The following PPP2R2B variants were observed in gnomAD, a reference collection of about 807,000 sequenced individuals.
PPP2R2B encodes serine/threonine-protein phosphatase 2A 55 kDa regulatory subunit B beta isoform.
Under a neutral mutation model 46.0 loss-of-function variants are expected in PPP2R2B, and 5 were observed. That is an observed-to-expected ratio of 0.11 (90% CI 0.06 to 0.23). PPP2R2B has a LOEUF of 0.23. PPP2R2B is among the 10% of genes least tolerant of loss of function. The pLI is 1.00. For missense variants in PPP2R2B, 367 were observed against 575.0 expected (o/e 0.64, Z 3.70); for synonymous variants, 215 against 206.7 (o/e 1.04, Z -0.34).
At chr5:146,972,809 C>T (rs1752723630) in intron 1 of PPP2R2B, among the ~76,000 whole-genome samples, 1 of 151,986 alleles carries the variant, frequency 6.6e-6, no homozygotes, top group Non-Finnish European at 1.5e-5. Flanking sequence ...GCTTAAGGAC[C>T]ATCTATATTT....
chr5:146,886,252 C>T (rs550251630), intron 1 of PPP2R2B, among the ~76,000 whole-genome samples: 132 of 151,934 alleles, frequency 8.7e-4, no homozygotes, highest in African/African-American at 2.9e-3. Context: ...GGCAGGAGAA[C>T]GGTGTGAACC....
intron 2 of PPP2R2B, among the ~76,000 whole-genome samples, chr5:146,767,226 T>C (rs917768863): frequency 2.0e-5 from 3 of 151,898 alleles, no homozygotes; most frequent in Non-Finnish European, 4.4e-5. Context: ...CCTTCAAAAT[T>C]TGAACCCCGA....
intron 1 of PPP2R2B, among the ~76,000 whole-genome samples, chr5:147,045,358 AT>A (rs369555016): frequency 1.6e-4 from 25 of 152,132 alleles, no homozygotes; most frequent in African/African-American, 6.0e-4. Context: ...AATACTTACC[AT>A]TGTGTTACAA....
At chr5:146,759,183 T>C (rs1221200505) in intron 2 of PPP2R2B, among the ~76,000 whole-genome samples, 2 of 152,226 alleles carry the variant, frequency 1.3e-5, no homozygotes, top group African/African-American at 4.8e-5. Flanking sequence ...TTTTTCTCCC[T>C]TGCTATTGCA....
At chr5:146,774,465 T>TGGGG (rs35505663) in intron 2 of PPP2R2B, among the ~76,000 whole-genome samples, 2 of 151,224 alleles carry the variant, frequency 1.3e-5, no homozygotes, top group Admixed American at 1.3e-4. Flanking sequence ...AAAAATAAAG[T>TGGGG]GGGGGGTTGT....
intron 1 of PPP2R2B, among the ~76,000 whole-genome samples, chr5:147,006,024 A>T (rs1376450014): frequency 6.6e-6 from 1 of 152,174 alleles, no homozygotes; most frequent in Non-Finnish European, 1.5e-5. Context: ...TTCCTAACAA[A>T]AATCCTTAAC....
At position 146,691,157 on chromosome 5, in the gene PPP2R2B, G is replaced by T; in HGVS notation, c.418C>A (p.Arg140=). The T allele has an allele frequency of 1.2e-6, 2 of 1,614,122 alleles. No individual in the cohort carries two copies. The highest frequency in any genetic ancestry group is 2.2e-5 in the South Asian group (2 of 91,080). Residue 140 remains arginine (R), a synonymous_variant, in exon 5 of 10, where the codon CGG becomes AGG. Transcript: ENST00000394411. ...AGGGTTGTGATGGTGGCAGGATCCC[G>T]GAGCCGGCCCTCCTCATCTTTCAGA... ...YNLKDEEGRL[R]DPATITTLRV... is the part of the protein sequence containing the mutation.
chr5:147,022,121 T>C (rs1380304311), intron 1 of PPP2R2B, among the ~76,000 whole-genome samples: 1 of 152,026 alleles, frequency 6.6e-6, no homozygotes, highest in East Asian at 1.9e-4. Context: ...TTATTCAAAC[T>C]AAAACATTAA....
chr5:146,583,554 A>G lies in PPP2R2B; in HGVS notation c.*6393T>C, dbSNP rs1268709484. 1 of 152,096 alleles carries G rather than the reference A, an allele frequency of 6.6e-6. No individual in the cohort carries two copies. Among genetic ancestry groups the G allele is most frequent in the Non-Finnish European group, 1.5e-5 (1 of 68,032 alleles). The allele number at this position is 152,096 out of a possible 1,614,324, so 9.4% of individuals were successfully genotyped here. On this transcript the variant is annotated 3_prime_UTR_variant, in exon 10 of 10. Coordinates refer to ENST00000394411, the MANE Select transcript of PPP2R2B (RefSeq NM_181675.4). ...AGGCTCGGTATCCTGGGCTCTTGAC[A>G]TTCCACTGCCACCATTGCCTGTGAG...
chr5:146,939,506 CTTTTG>C (rs1408806979), intron 1 of PPP2R2B, among the ~76,000 whole-genome samples: 2 of 152,174 alleles, frequency 1.3e-5, no homozygotes, highest in African/African-American at 2.4e-5. Context: ...AAATTCACAA[CTTTTG>C]TTTTGTAAGT....
intron 8 of PPP2R2B, among the ~76,000 whole-genome samples, chr5:146,594,682 G>A (rs1770994432): frequency 2.0e-5 from 3 of 152,156 alleles, no homozygotes; most frequent in Admixed American, 2.0e-4. Flanking sequence ...GTGACAGAAG[G>A]GGAGGGAACT....
chr5:146,764,697 A>G (rs1754366196), intron 2 of PPP2R2B, among the ~76,000 whole-genome samples: 1 of 152,148 alleles, frequency 6.6e-6, no homozygotes, highest in African/African-American at 2.4e-5. Context: ...CACAGGTCCC[A>G]GGCCTTTTGG....
intron 2 of PPP2R2B, among the ~76,000 whole-genome samples, chr5:146,785,397 A>G (rs1013597536): frequency 3.3e-5 from 5 of 152,022 alleles, no homozygotes; most frequent in Middle Eastern, 6.3e-3. Context: ...AAAATACAAA[A>G]ATTAGCTGGG....
chr5:146,967,529 T>G (rs939666688), intron 1 of PPP2R2B, among the ~76,000 whole-genome samples: 6 of 152,292 alleles, frequency 3.9e-5, no homozygotes, highest in African/African-American at 1.2e-4. Context: ...GAGCGCTGGT[T>G]TGAACCTAGG....
intron 8 of PPP2R2B, among the ~76,000 whole-genome samples, chr5:146,599,938 C>A (rs917148126): frequency 1.3e-5 from 2 of 152,166 alleles, no homozygotes; most frequent in Non-Finnish European, 2.9e-5. Flanking sequence ...TTTGGGAAAA[C>A]CTTTCTCACC....
chr5:147,057,781 G>A (rs577624973), upstream of PPP2R2B, among the ~76,000 whole-genome samples: 109 of 152,316 alleles, frequency 7.2e-4, no homozygotes, highest in Non-Finnish European at 1.3e-3. Flanking sequence ...TAGACAGCCA[G>A]GGTTTAATCC....
At chr5:146,854,785 T>C (rs528600767) in intron 2 of PPP2R2B, among the ~76,000 whole-genome samples, 61 of 152,276 alleles carry the variant, frequency 4.0e-4, no homozygotes, top group Middle Eastern at 6.8e-3. Flanking sequence ...ACTGTCTTTG[T>C]ACTTTGAAGG....
intron 2 of PPP2R2B, among the ~76,000 whole-genome samples, chr5:146,747,601 A>G (rs544710183): frequency 8.5e-5 from 13 of 152,218 alleles, no homozygotes; most frequent in Non-Finnish European, 1.9e-4. Context: ...AGTTAATATA[A>G]TTAAAAACAA....
rs529441116 is a variant in PPP2R2B at position 146,871,362 on chromosome 5, G to A, written c.70+6640C>T. On this transcript the variant is annotated intron_variant, in intron 2 of 9. Coordinates refer to ENST00000394411, the MANE Select transcript of PPP2R2B (RefSeq NM_181675.4). ...AGAGTGGGTGCCTAGATGGCCCAGC[G>A]GGACCATCTCAGCTCAGCTCAGTCT... is the stretch of plus-strand genomic sequence containing the variant. Among the ~76,000 whole-genome samples the A allele has an allele frequency of 5.9e-5, 9 of 152,300 alleles. No homozygotes were observed. The South Asian group carries it at 1.2e-3, about 21-fold the overall frequency.
Sources: gnomAD v4.1 joint callset for allele counts (sites outside exome capture counted in the v4.1 genomes callset) on GRCh38, gnomAD v4.1.1 for gene constraint, MANE v1.5 for transcripts, NCBI Gene and HGNC (gene_info 2026-07-23, HGNC 2026-07-21) for gene names.